Variants in ZNF385D observed in about 807,000 individuals in gnomAD.
The protein encoded by ZNF385D is zinc finger protein 385D.
ZNF385D carries 15 observed loss-of-function variants against 35.8 expected under a neutral mutation model. The observed-to-expected ratio is 0.42, with a 90% CI of 0.28 to 0.64. ZNF385D has a LOEUF of 0.64. ZNF385D is among the 30% of genes least tolerant of loss of function. The pLI is 0.23. For synonymous variants in ZNF385D, 212 were observed against 186.8 expected (o/e 1.13, Z -1.10); for missense variants, 474 against 494.6 (o/e 0.96, Z 0.39).
chr3:22,304,737 TTGAA>T (rs1488561114), intron 2 of ZNF385D, among the ~76,000 whole-genome samples: 1 of 152,164 alleles, frequency 6.6e-6, no homozygotes, highest in Admixed American at 6.6e-5. Flanking sequence ...GTTGCTTATG[TTGAA>T]TATTTCTTAA....
At chr3:22,058,865 A>C (rs562041606) in intron 3 of ZNF385D, among the ~76,000 whole-genome samples, 213 of 152,252 alleles carry the variant, frequency 1.4e-3, no homozygotes, top group African/African-American at 4.9e-3. Context: ...GTTAGTGGGG[A>C]CCACTATCCA....
chr3:22,266,641 T>C (rs1301467822), intron 2 of ZNF385D, among the ~76,000 whole-genome samples: 5 of 151,952 alleles, frequency 3.3e-5, no homozygotes, highest in African/African-American at 9.7e-5. Flanking sequence ...ATAGTTACGA[T>C]AGACACTGTG....
At chr3:22,158,677 CAT>C (rs1170166176) in intron 3 of ZNF385D, among the ~76,000 whole-genome samples, 13 of 149,218 alleles carry the variant, frequency 8.7e-5, no homozygotes, top group Admixed American at 2.0e-4. Context: ...CACACACACA[CAT>C]ACACACACAC....
intron 2 of ZNF385D, among the ~76,000 whole-genome samples, chr3:21,628,334 G>C (rs576319316): frequency 1.3e-5 from 2 of 152,216 alleles, no homozygotes; most frequent in Middle Eastern, 3.4e-3. Flanking sequence ...GAGGAAGGTT[G>C]TGTGGTTCTA....
intron 2 of ZNF385D, among the ~76,000 whole-genome samples, chr3:22,246,041 A>G (rs1392921365): frequency 3.9e-5 from 6 of 152,096 alleles, no homozygotes; most frequent in Non-Finnish European, 7.4e-5. Context: ...TAGACACACA[A>G]CATTTGGCCA....
intron 1 of ZNF385D, among the ~76,000 whole-genome samples, chr3:21,676,332 T>C (rs1401655634): frequency 6.6e-6 from 1 of 152,158 alleles, no homozygotes; most frequent in East Asian, 1.9e-4. Context: ...TTGAGCTCTG[T>C]TTAGTCTCGG....
intron 2 of ZNF385D, among the ~76,000 whole-genome samples, chr3:22,306,236 G>C (rs746531817): frequency 6.6e-6 from 1 of 152,032 alleles, no homozygotes; most frequent in Non-Finnish European, 1.5e-5. Flanking sequence ...CGGTGTCAGG[G>C]AGAAGCCTAA....
At chr3:21,916,619 G>C (rs904643084) in intron 3 of ZNF385D, among the ~76,000 whole-genome samples, 3 of 152,110 alleles carry the variant, frequency 2.0e-5, no homozygotes, top group Admixed American at 2.0e-4. Context: ...GAAGTGCTTT[G>C]TAACTGTATT....
intron 1 of ZNF385D, among the ~76,000 whole-genome samples, chr3:21,683,868 T>A (rs1053907168): frequency 6.7e-6 from 1 of 149,960 alleles, no homozygotes; most frequent in African/African-American, 2.5e-5. Flanking sequence ...AAGAATGAAT[T>A]TGAGAAACAG....
At chr3:21,992,817 G>T (rs1037563998) in intron 3 of ZNF385D, among the ~76,000 whole-genome samples, 7 of 152,050 alleles carry the variant, frequency 4.6e-5, no homozygotes, top group Non-Finnish European at 4.4e-5. Context: ...TAGTCCCTCA[G>T]ATATTTTGAA....
intron 3 of ZNF385D, among the ~76,000 whole-genome samples, chr3:21,976,289 C>T (rs1703619525): frequency 6.6e-6 from 1 of 151,962 alleles, no homozygotes; most frequent in African/African-American, 2.4e-5. Context: ...AAAAAATAGA[C>T]AACAGAAACA....
In ZNF385D at chr3:21,432,161, T is replaced by A. The variant is rs568865076; in HGVS notation, c.673+4809A>T. On this transcript the variant is annotated intron_variant, in intron 5 of 7. Transcript: ENST00000281523. Reference sequence around the variant, plus strand: ...TTTCTTTGTGCTTCAATGTCCTCATTTATTTTGAAAAGAAATTATCTGCTC... The same window carrying A: ...TTTCTTTGTGCTTCAATGTCCTCATATATTTTGAAAAGAAATTATCTGCTC... 3.3e-5 allele frequency among the ~76,000 whole-genome samples: 5 copies of A among 152,276 alleles called. No individual in the cohort carries two copies. The East Asian group carries it at 9.6e-4, about 29-fold the overall frequency.
chr3:21,426,924 G>GAT (rs1701051055), intron 5 of ZNF385D, among the ~76,000 whole-genome samples: 1 of 152,096 alleles, frequency 6.6e-6, no homozygotes, highest in Non-Finnish European at 1.5e-5. Context: ...TTACAACCTA[G>GAT]ATGGCCTATT....
intron 3 of ZNF385D, among the ~76,000 whole-genome samples, chr3:22,026,624 A>G (rs1000283853): frequency 1.3e-5 from 2 of 152,218 alleles, no homozygotes; most frequent in Non-Finnish European, 2.9e-5. Context: ...AGAATGCGTA[A>G]TTGGCATAGA....
intron 3 of ZNF385D, among the ~76,000 whole-genome samples, chr3:22,155,107 A>C (rs888507911): frequency 7.9e-5 from 12 of 152,144 alleles, no homozygotes; most frequent in Non-Finnish European, 1.8e-4. Context: ...GCAACTTCTT[A>C]ATTGCCCTGA....
chr3:21,523,467 T>C (rs1385863897), intron 3 of ZNF385D, among the ~76,000 whole-genome samples: 1 of 152,250 alleles, frequency 6.6e-6, no homozygotes, highest in East Asian at 1.9e-4. Context: ...TTAACTCATA[T>C]AATTTCACTC....
In ZNF385D at chr3:22,153,277, A is replaced by G. The variant is rs6792360; in HGVS notation, c.325+15540T>C. 8.6e-3 allele frequency among the ~76,000 whole-genome samples: 1,301 copies of G among 152,032 alleles called. 21 individuals carry two copies. The highest frequency in any genetic ancestry group is 0.03 in the African/African-American group (1,235 of 41,464). On this transcript the variant is annotated intron_variant, in intron 3 of 5. Transcript: ENST00000494108. ...TACTCTATAGTTCCCCTGAGGTCCA[A>G]TTAGGACTCCTATCACCTGCTGGGC... is the stretch of plus-strand genomic sequence containing the variant.
intron 2 of ZNF385D, among the ~76,000 whole-genome samples, chr3:21,591,372 A>C (rs2063972058): frequency 6.6e-6 from 1 of 152,160 alleles, no homozygotes; most frequent in Admixed American, 6.5e-5. Context: ...CTATCACTTA[A>C]ATACCTCTCA....
intron 3 of ZNF385D, among the ~76,000 whole-genome samples, chr3:21,810,132 C>A (rs1228001362): frequency 6.6e-6 from 1 of 151,366 alleles, no homozygotes; most frequent in African/African-American, 2.4e-5. Flanking sequence ...AACTGACACA[C>A]AAATAATCAA....
Sources: allele counts gnomAD v4.1 joint callset (sites outside exome capture counted in the v4.1 genomes callset), GRCh38; gene constraint gnomAD v4.1.1; transcripts MANE v1.5; gene names NCBI Gene and HGNC (gene_info 2026-07-23, HGNC 2026-07-21).